The following CSMD1 variants were observed in gnomAD, a reference collection of about 807,000 sequenced individuals.
The protein encoded by CSMD1 is CUB and sushi domain-containing protein 1.
A neutral mutation model predicts 417.5 loss-of-function variants in CSMD1; 213 were observed. That is an observed-to-expected ratio of 0.51 (90% CI 0.46 to 0.57). The LOEUF (loss-of-function observed/expected upper bound fraction) is 0.57. CSMD1 is among the 20% of genes least tolerant of loss of function. The pLI, the probability that CSMD1 is intolerant of heterozygous loss-of-function variation, is 0.00. For synonymous variants in CSMD1, 2,862 were observed against 1,736.8 expected (o/e 1.65, Z -16.11); for missense variants, 6,923 against 4,529.7 (o/e 1.53, Z -15.17).
chr8:4,267,737 A>G (rs750123697), intron 3 of CSMD1, among the ~76,000 whole-genome samples: 1 of 152,086 alleles, frequency 6.6e-6, no homozygotes, highest in African/African-American at 2.4e-5. Flanking sequence ...AGATATTCCA[A>G]ATTGTAAGGT....
intron 5 of CSMD1, among the ~76,000 whole-genome samples, chr8:3,906,842 T>C (rs1344049439): frequency 1.3e-5 from 2 of 152,144 alleles, no homozygotes; most frequent in Non-Finnish European, 2.9e-5. Flanking sequence ...AAGGACAGCA[T>C]TGTCATTTTG....
At chr8:4,237,848 T>C (rs926051465) in intron 3 of CSMD1, among the ~76,000 whole-genome samples, 8 of 152,178 alleles carry the variant, frequency 5.3e-5, no homozygotes, top group African/African-American at 1.9e-4. Flanking sequence ...CTTTATATTG[T>C]ATTATTTTTT....
rs749196788 is a variant in CSMD1 at position 2,950,335 on chromosome 8, T to C, written c.10210A>G (p.Lys3404Glu). 6.2e-7 allele frequency: 1 copy of C among 1,601,596 alleles called. No individual in the cohort carries two copies. The highest frequency in any genetic ancestry group is 1.1e-5 in the South Asian group (1 of 90,832). ...AGGAGTAAGTGGGCCTCCTCCTTCT[T>C]GTAAATGCCTGTGAAAAGATCAGCA... ...PVELKLTGIY[K>E]KEEAHLLLKA... The change falls in exon 67 of 70, where the codon AAG becomes GAG. Residue 3404 changes from lysine to glutamate, a missense_variant. Coordinates refer to ENST00000635120, the MANE Select transcript of CSMD1 (RefSeq NM_033225.6).
chr8:3,895,668 C>G (rs911293414), intron 5 of CSMD1, among the ~76,000 whole-genome samples: 9 of 152,188 alleles, frequency 5.9e-5, no homozygotes, highest in Admixed American at 3.9e-4. Flanking sequence ...TTGAGACACA[C>G]ATATTTATAA....
intron 5 of CSMD1, among the ~76,000 whole-genome samples, chr8:3,860,886 G>C (rs1003091238): frequency 6.6e-6 from 1 of 152,122 alleles, no homozygotes; most frequent in East Asian, 1.9e-4. Context: ...TTAAGTTCAG[G>C]TTAGCACTAG....
intron 2 of CSMD1, among the ~76,000 whole-genome samples, chr8:4,621,993 C>T (rs1801805952): frequency 6.6e-6 from 1 of 151,622 alleles, no homozygotes; most frequent in African/African-American, 2.4e-5. Context: ...ATAATAAAAC[C>T]CTCAGCAAAC....
At chr8:3,020,975 T>C (rs1336852769) in intron 51 of CSMD1, among the ~76,000 whole-genome samples, 1 of 152,264 alleles carries the variant, frequency 6.6e-6, no homozygotes, top group East Asian at 1.9e-4. Context: ...ATTAAGCCTT[T>C]TCCCAAACAG....
Position 3,783,629 on chromosome 8 carries a change from G to C in CSMD1, c.819-29587C>G, listed in dbSNP as rs990819273. Among the ~76,000 whole-genome samples the C allele has an allele frequency of 3.9e-5, 6 of 152,186 alleles. 1 individual carries two copies. The highest frequency in any genetic ancestry group is 5.9e-5 in the Non-Finnish European group (4 of 68,020). ...TGAGAGGAAGCCCTGGATGCAGCTGGTTCTTCTGCATGTCCATAAAACATG... is the reference window on the plus strand; with the variant it reads ...TGAGAGGAAGCCCTGGATGCAGCTGCTTCTTCTGCATGTCCATAAAACATG... On this transcript the variant is annotated intron_variant, in intron 5 of 69. Transcript: ENST00000635120.
At chr8:3,805,867 C>A (rs1297815575) in intron 5 of CSMD1, among the ~76,000 whole-genome samples, 1 of 152,092 alleles carries the variant, frequency 6.6e-6, no homozygotes, top group African/African-American at 2.4e-5. Context: ...CTCAGTTTCC[C>A]AGATTTCTAT....
chr8:4,289,988 T>A, intron 3 of CSMD1, among the ~76,000 whole-genome samples: 1 of 152,180 alleles, frequency 6.6e-6, no homozygotes, highest in East Asian at 1.9e-4. Context: ...CTTGTATATT[T>A]AAGGAATGTG....
At chr8:4,417,002 C>T (rs952538411) in intron 3 of CSMD1, among the ~76,000 whole-genome samples, 4 of 152,010 alleles carry the variant, frequency 2.6e-5, no homozygotes, top group African/African-American at 9.7e-5. Context: ...TGTTGGTTCA[C>T]AATTAAGACT....
At chr8:4,306,401 G>T (rs1037366345) in intron 3 of CSMD1, among the ~76,000 whole-genome samples, 5 of 63,782 alleles carry the variant, frequency 7.8e-5, no homozygotes, top group African/African-American at 1.3e-4. Flanking sequence ...AAAACCTACA[G>T]AACAAAAAAA....
intron 69 of CSMD1, among the ~76,000 whole-genome samples, chr8:2,939,011 C>G (rs1240279664): frequency 2.0e-5 from 3 of 152,318 alleles, no homozygotes; most frequent in East Asian, 1.9e-4. Flanking sequence ...GTTACCCAGG[C>G]TGGAGTGCAG....
intron 11 of CSMD1, among the ~76,000 whole-genome samples, chr8:3,487,241 T>G (rs991703599): frequency 4.6e-5 from 7 of 152,158 alleles, no homozygotes; most frequent in Non-Finnish European, 8.8e-5. Context: ...TAGCTCTGTC[T>G]CCCAGGCTGG....
chr8:4,732,956 C>T (rs1292879798), intron 1 of CSMD1, among the ~76,000 whole-genome samples: 3 of 151,976 alleles, frequency 2.0e-5, no homozygotes, highest in African/African-American at 2.4e-5. Flanking sequence ...AAGGAGGGAA[C>T]AGGTGCATTT....
At chr8:4,855,733 G>A (rs1268087620) in intron 1 of CSMD1, among the ~76,000 whole-genome samples, 1 of 151,844 alleles carries the variant, frequency 6.6e-6, no homozygotes, top group African/African-American at 2.4e-5. Context: ...AAAAAGAAAT[G>A]AGCAAAGCCT....
intron 23 of CSMD1, among the ~76,000 whole-genome samples, chr8:3,330,629 A>T (rs1171592207): frequency 2.0e-5 from 3 of 152,192 alleles, no homozygotes; most frequent in African/African-American, 7.2e-5. Context: ...GAGGATCAGC[A>T]AACATAACTA....
intron 3 of CSMD1, among the ~76,000 whole-genome samples, chr8:4,369,702 CT>C (rs1202725852): frequency 6.6e-6 from 1 of 152,046 alleles, no homozygotes; most frequent in Non-Finnish European, 1.5e-5. Context: ...ATGCCCTTGT[CT>C]TTTTTTATTG....
intron 10 of CSMD1, among the ~76,000 whole-genome samples, chr8:3,539,240 C>A (rs1312157991): frequency 6.6e-6 from 1 of 152,142 alleles, no homozygotes; most frequent in South Asian, 2.1e-4. Flanking sequence ...TATCATTAAT[C>A]CTTCAGTCAC....
Sources: allele counts gnomAD v4.1 joint callset (sites outside exome capture counted in the v4.1 genomes callset), GRCh38; gene constraint gnomAD v4.1.1; transcripts MANE v1.5; gene names NCBI Gene and HGNC (gene_info 2026-07-23, HGNC 2026-07-21).